AMN1: variants seen among roughly 807,000 people sequenced by gnomAD.
AMN1 encodes protein AMN1 homolog.
A neutral mutation model predicts 33.0 loss-of-function variants in AMN1; 20 were observed. That is an observed-to-expected ratio of 0.61 (90% CI 0.43 to 0.88). The LOEUF is 0.88. AMN1 is among the 40% of genes least tolerant of loss of function. AMN1 has a pLI of 0.00. For missense variants in AMN1, 246 were observed against 307.4 expected (o/e 0.80, Z 1.49); for synonymous variants, 114 against 111.9 (o/e 1.02, Z -0.12).
chr12:31,680,517 A>C (rs1937960670), intron 6 of AMN1, among the ~76,000 whole-genome samples: 1 of 152,180 alleles, frequency 6.6e-6, no homozygotes, highest in Non-Finnish European at 1.5e-5. Flanking sequence ...CATAATTTTC[A>C]TATTTCTAAT....
intron 6 of AMN1, among the ~76,000 whole-genome samples, chr12:31,675,651 C>T (rs1446968720): frequency 6.6e-6 from 1 of 151,638 alleles, no homozygotes; most frequent in Non-Finnish European, 1.5e-5. Context: ...CCCGCAACCA[C>T]GCCCAGCTAA....
At chr12:31,685,591 A>G (rs1592151273) in intron 6 of AMN1, among the ~76,000 whole-genome samples, 1 of 152,210 alleles carries the variant, frequency 6.6e-6, no homozygotes, top group East Asian at 1.9e-4. Flanking sequence ...ACCTGAGGTC[A>G]GGAGTTCGAC....
At chr12:31,681,860 A>G (rs1032361894) in intron 6 of AMN1, among the ~76,000 whole-genome samples, 1 of 152,126 alleles carries the variant, frequency 6.6e-6, no homozygotes, top group African/African-American at 2.4e-5. Flanking sequence ...AATTTTTTAT[A>G]GAAGCAGGGT....
intron 1 of AMN1, among the ~76,000 whole-genome samples, chr12:31,711,156 G>C (rs2139712068): frequency 6.6e-6 from 1 of 152,214 alleles, no homozygotes; most frequent in Non-Finnish European, 1.5e-5. Flanking sequence ...TTACAGGCAT[G>C]AGCCACCGCA....
At chr12:31,676,247 C>A (rs1937689683) in intron 6 of AMN1, among the ~76,000 whole-genome samples, 1 of 151,532 alleles carries the variant, frequency 6.6e-6, no homozygotes, top group African/African-American at 2.4e-5. Flanking sequence ...AGCAATATTT[C>A]CCAAATTACC....
intron 1 of AMN1, among the ~76,000 whole-genome samples, chr12:31,709,936 C>T (rs1286461638): frequency 1.3e-5 from 2 of 152,304 alleles, no homozygotes; most frequent in South Asian, 4.1e-4. Flanking sequence ...TCTTCCTCTA[C>T]AATTTTTTTC....
At chr12:31,728,913 G>A in intron 1 of AMN1, 58 bp downstream of exon 1, 1 of 1,523,842 alleles carries the variant, frequency 6.6e-7, no homozygotes, top group Non-Finnish European at 8.9e-7. Flanking sequence ...CGCAGGGCCT[G>A]GCCGTTTGGA....
At chr12:31,709,828 CA>C (rs560141004) in intron 1 of AMN1, among the ~76,000 whole-genome samples, 1 of 151,298 alleles carries the variant, frequency 6.6e-6, no homozygotes, top group Non-Finnish European at 1.5e-5. Context: ...GATCCTGTCT[CA>C]AAAAAAAGTA....
rs1339060828 is a variant in AMN1, at chr12:31,697,881, T to C, written c.393A>G (p.Glu131=). Residue 131 remains glutamate, a synonymous_variant, in exon 4 of 7, where the codon GAA becomes GAG. Coordinates refer to ENST00000281471, the MANE Select transcript of AMN1 (RefSeq NM_001113402.2). ...SLKRCCNLTD[E]GVVALALNCQ... ...AATTGAGTGCAAGAGCAACGACTCC[T>C]TCGTCAGTGAGATTGCAGCATCTTT... The C allele has an allele frequency of 6.2e-7, 1 of 1,614,036 alleles. No homozygotes were observed. Among genetic ancestry groups the C allele is most frequent in the South Asian group, 1.1e-5 (1 of 91,090 alleles).
At position 31,702,823 on chromosome 12, in the gene AMN1, C is replaced by T. The variant is rs1294167068; in HGVS notation, c.172-816G>A. ...CGTGATCTCGGCTCACTGCAACCTC[C>T]GCCTCCCGGGTTCAAGCGATTCTCC... On this transcript the variant is annotated intron_variant, in intron 2 of 6. Transcript: ENST00000281471. Among the ~76,000 whole-genome samples, 3 of 152,090 alleles carry T rather than the reference C, an allele frequency of 2.0e-5. No individual in the cohort carries two copies. The South Asian group carries it at 6.2e-4, about 31-fold the overall frequency.
chr12:31,711,419 T>C (rs1413031166), intron 1 of AMN1, among the ~76,000 whole-genome samples: 4 of 152,118 alleles, frequency 2.6e-5, no homozygotes, highest in African/African-American at 4.8e-5. Context: ...CACCTACTCT[T>C]AAATGTTGGA....
intron 2 of AMN1, among the ~76,000 whole-genome samples, chr12:31,704,353 T>C (rs1939130521): frequency 6.6e-6 from 1 of 152,266 alleles, no homozygotes; most frequent in South Asian, 2.1e-4. Flanking sequence ...TTCCTCTGAG[T>C]ATTTCCTGAT....
intron 1 of AMN1, among the ~76,000 whole-genome samples, chr12:31,722,444 T>TA (rs776268633): frequency 9.9e-5 from 15 of 152,116 alleles, no homozygotes; most frequent in Admixed American, 2.6e-4. Flanking sequence ...AACGGACTTT[T>TA]AAAAAATCCA....
chr12:31,705,517 A>C (rs879390296), intron 2 of AMN1, among the ~76,000 whole-genome samples: 4 of 151,860 alleles, frequency 2.6e-5, no homozygotes, highest in Non-Finnish European at 5.9e-5. Context: ...AACAAGCAAA[A>C]ACCACAGAAA....
chr12:31,682,247 A>G (rs1369588185), intron 6 of AMN1, among the ~76,000 whole-genome samples: 2 of 152,200 alleles, frequency 1.3e-5, no homozygotes, highest in Non-Finnish European at 2.9e-5. Flanking sequence ...ATGGCACACC[A>G]TGTAACTGCA....
intron 1 of AMN1, among the ~76,000 whole-genome samples, chr12:31,725,283 T>G (rs746690223): frequency 3.3e-5 from 5 of 152,188 alleles, no homozygotes; most frequent in Non-Finnish European, 7.4e-5. Context: ...AAAAGTTAGG[T>G]TGACATAAGT....
intron 2 of AMN1, 46 bp from the exon 3 acceptor site, chr12:31,702,053 TACAA>T: frequency 6.9e-7 from 1 of 1,456,682 alleles, no homozygotes; most frequent in Non-Finnish European, 9.2e-7. Context: ...TTTCTATAAA[TACAA>T]ATATTTATTC....
At chr12:31,700,998 T>G (rs1334378898) in intron 3 of AMN1, among the ~76,000 whole-genome samples, 2 of 150,858 alleles carry the variant, frequency 1.3e-5, no homozygotes, top group African/African-American at 4.9e-5. Context: ...CAATTTTTTG[T>G]TGTTGTTGTT....
chr12:31,687,110 A>C lies in AMN1; in HGVS notation c.703+1897T>G, dbSNP rs1291860649. On this transcript the variant is annotated intron_variant, in intron 6 of 6. Transcript: ENST00000281471. This position sits in a 1 kb window ranked among gnomAD's most constrained non-coding sequence, Gnocchi z 4.1. The stretch of plus-strand genomic sequence containing the variant: ...ACTGCAGCTTCGACCTCCCAGGCTT[A>C]AGTGATCCACCCACCTTAGCCTCCC... Among the ~76,000 whole-genome samples, 3 of 151,932 alleles carry C rather than the reference A, an allele frequency of 2.0e-5. No homozygotes were observed. Among genetic ancestry groups the C allele is most frequent in the Non-Finnish European group, 4.4e-5 (3 of 67,990 alleles).
Sources: allele counts gnomAD v4.1 joint callset (sites outside exome capture counted in the v4.1 genomes callset), GRCh38; gene constraint gnomAD v4.1.1; non-coding constraint Gnocchi (gnomAD v3.1); transcripts MANE v1.5; gene names NCBI Gene and HGNC (gene_info 2026-07-23, HGNC 2026-07-21).